Variants in WIZ observed in about 807,000 individuals in gnomAD.
WIZ encodes protein Wiz.
Under a neutral mutation model 140.2 loss-of-function variants are expected in WIZ, and 25 were observed. That is an observed-to-expected ratio of 0.18 (90% confidence interval 0.13 to 0.25). The LOEUF (loss-of-function observed/expected upper bound fraction) is 0.25. WIZ is among the 10% of genes least tolerant of loss of function. The pLI is 1.00. For synonymous variants in WIZ, 1,125 were observed against 1,154.3 expected, an observed-to-expected ratio of 0.97 and a Z score of 0.51; for missense variants, 2,231 against 2,632.6, an observed-to-expected ratio of 0.85 and a Z score of 3.34.
rs772292658 is a variant in WIZ at position 15,424,231 on chromosome 19, T to TG, written c.5461dup (p.Gln1821ProfsTer20). The TG allele has an allele frequency of 9.5e-6, 15 of 1,580,644 alleles. No homozygotes were observed. Among genetic ancestry groups the TG allele is most frequent in the Admixed American group, 1.9e-5 (1 of 52,648 alleles). ...GCCCACGAACTTGACAAGTGATGTC[T>TG]GGGGGGGCCGGGGCACCAGGGAGGG... On this transcript the variant is annotated frameshift_variant, in exon 12 of 13. Transcript: ENST00000673675. LOFTEE classifies it high-confidence loss of function. The surrounding 1 kb of genome is among the most constrained non-coding windows in gnomAD (Gnocchi z 9.7).
Position 15,440,477 on chromosome 19 carries a change from G to C in WIZ, c.517C>G (p.Leu173Val). The C allele has an allele frequency of 6.5e-7, 1 of 1,536,116 alleles. No homozygotes were observed. The highest frequency in any genetic ancestry group is 8.7e-7 in the Non-Finnish European group (1 of 1,146,908). ...RFLHHRGEPR[L>V]LEKHAQGRPR... ...CGGCCCTGGGCATGTTTCTCCAAAA[G>C]CCTTGGTTCCCCCCGGTGGTGTAAG... Residue 173 changes from leucine (L) to valine (V), a missense_variant, in exon 4 of 13, where the codon CTT becomes GTT. Leu to Val is a conservative substitution (Grantham distance 32). Transcript: ENST00000673675. This position sits in a 1 kb window ranked among gnomAD's most constrained non-coding sequence, Gnocchi z 6.2.
chr19:15,437,216 G>T (rs1276756407), intron 4 of WIZ, 87 bp from the exon 5 acceptor site: 6 of 1,298,236 alleles, frequency 4.6e-6, no homozygotes, highest in Non-Finnish European at 6.2e-6. Flanking sequence ...CTTCACCCTG[G>T]ACTGCCTTTC....
At position 15,424,014 on chromosome 19, in the gene WIZ, G is replaced by A. The variant is rs551969448; in HGVS notation, c.5510+169C>T. The A allele has an allele frequency of 7.6e-5, 43 of 563,752 alleles. No homozygotes were observed. The Admixed American group carries it at 1.3e-3, about 17-fold the overall frequency. 34.9% of individuals were successfully genotyped at this position (563,752 alleles called of 1,614,324 possible). The stretch of plus-strand genomic sequence containing the variant: ...GAGTTGGGATTTGAACCCAGGTCTC[G>A]CAGGCTACAAAGCTCAGGGTGTCAG... On this transcript the variant is annotated intron_variant, in intron 12 of 12. Coordinates refer to ENST00000673675, the MANE Select transcript of WIZ (RefSeq NM_001371589.1). The surrounding 1 kb of genome is among the most constrained non-coding windows in gnomAD (Gnocchi z 9.7).
chr19:15,423,555 G>A (rs535446416), intron 12 of WIZ, among the ~76,000 whole-genome samples: 26 of 152,246 alleles, frequency 1.7e-4, no homozygotes, highest in Admixed American at 3.9e-4. Flanking sequence ...GCACAGAGAA[G>A]CAAATCCTAC....
chr19:15,423,301 C>T (rs1968493340), intron 12 of WIZ, 66 bp from the exon 13 acceptor site: 2 of 1,565,798 alleles, frequency 1.3e-6, no homozygotes, highest in Non-Finnish European at 8.7e-7. Context: ...ATAGCCTTGC[C>T]AGCATCCCTG....
intron 2 of WIZ, among the ~76,000 whole-genome samples, chr19:15,446,535 G>T (rs904297902): frequency 2.0e-5 from 3 of 152,104 alleles, no homozygotes; most frequent in African/African-American, 7.2e-5. Context: ...GCCCTCAGGG[G>T]TCTCACCTTG....
chr19:15,435,023 T>TA (rs775873607), intron 5 of WIZ, among the ~76,000 whole-genome samples: 2 of 152,006 alleles, frequency 1.3e-5, no homozygotes, highest in East Asian at 1.9e-4. Context: ...GGTCAGGAGA[T>TA]AGACACCATC....
At chr19:15,446,467 G>A (rs1202986876) in intron 2 of WIZ, among the ~76,000 whole-genome samples, 1 of 152,172 alleles carries the variant, frequency 6.6e-6, no homozygotes, top group Non-Finnish European at 1.5e-5. Context: ...ATGGCTTAGA[G>A]GAGGGGATTG....
rs1288038494 is a variant in WIZ at position 15,440,625 on chromosome 19, C to A, written c.369G>T (p.Gly123=). The A allele has an allele frequency of 6.5e-6, 10 of 1,532,230 alleles. No individual in the cohort carries two copies. The highest frequency in any genetic ancestry group is 2.0e-5 in the Admixed American group (1 of 50,906). The allele number at this position is 1,532,230 out of a possible 1,614,324, so 94.9% of individuals were successfully genotyped here. The part of the protein sequence containing the change: ...GHFPGTPDGR[G]PWEHPLVQEA... ...CCTGGACAAGGGGGTGCTCCCAGGG[C>A]CCCCGGCCATCAGGGGTACCTGGGA... Residue 123 remains glycine (G), a synonymous_variant, in exon 4 of 13, where the codon GGG becomes GGT. Transcript: ENST00000673675. This position sits in a 1 kb window ranked among gnomAD's most constrained non-coding sequence, Gnocchi z 6.2.
intron 2 of WIZ, among the ~76,000 whole-genome samples, chr19:15,443,025 C>A (rs186924958): frequency 6.6e-6 from 1 of 152,318 alleles, no homozygotes; most frequent in Admixed American, 6.5e-5. Flanking sequence ...TTACAAGCCT[C>A]ACCCTGGTAA....
At chr19:15,444,672 C>T (rs1024936211) in intron 2 of WIZ, among the ~76,000 whole-genome samples, 2 of 152,046 alleles carry the variant, frequency 1.3e-5, no homozygotes, top group Non-Finnish European at 2.9e-5. Flanking sequence ...TTGGAGAGGG[C>T]GTTCAGAGTT....
In WIZ at chr19:15,439,104, G is replaced by A. The variant is rs1312773046; in HGVS notation, c.1890C>T (p.Ser630=). ...EEEEEDVVLT[S]EMDFSPENGV... ...CATTTTCAGGGGAAAAATCCATCTC[G>A]GAGGTCAGCACTACATCCTCCTCCT... The change falls in exon 4 of 13, where the codon TCC becomes TCT. Residue 630 remains serine, a synonymous_variant. Transcript: ENST00000673675. The surrounding 1 kb of genome is among the most constrained non-coding windows in gnomAD (Gnocchi z 7.0). The A allele has an allele frequency of 5.4e-6, 8 of 1,491,460 alleles. No individual in the cohort carries two copies. The highest frequency in any genetic ancestry group is 2.5e-5 in the South Asian group (2 of 78,772). The allele number at this position is 1,491,460 out of a possible 1,614,324, so 92.4% of individuals were successfully genotyped here.
rs1415070560 is a variant in WIZ at position 15,425,737 on chromosome 19, G to T, written c.4398C>A (p.Arg1466=). Residue 1466 remains arginine (R), a synonymous_variant, in exon 10 of 13, where the codon CGC becomes CGA. Transcript: ENST00000673675. ...CGAAGAACTCGCCGCAGAACTCACA[G>T]CGGATGTCGCGCACCGGCTCTGCCC... ...SSRAEPVRDI[R]CEFCGEFFEN... The T allele has an allele frequency of 6.2e-7, 1 of 1,605,874 alleles. No individual in the cohort carries two copies. The highest frequency in any genetic ancestry group is 1.7e-5 in the Admixed American group (1 of 59,422).
rs1488981885 is a variant in WIZ, at chr19:15,439,867, G to A, written c.1127C>T (p.Ala376Val). The A allele has an allele frequency of 4.6e-6, 7 of 1,527,204 alleles. No individual in the cohort carries two copies. The East Asian group carries it at 1.7e-4, about 37-fold the overall frequency. The allele number at this position is 1,527,204 out of a possible 1,614,324, so 94.6% of individuals were successfully genotyped here. A position where few individuals can be genotyped will look rare whatever the true frequency, so the allele number is the denominator to read the frequency against. Residue 376 changes from alanine to valine, a missense_variant, in exon 4 of 13, where the codon GCC becomes GTC. Physicochemically the swap from Ala to Val is moderately conservative, Grantham distance 64. Transcript: ENST00000673675. The surrounding 1 kb of genome is among the most constrained non-coding windows in gnomAD (Gnocchi z 7.0). The stretch of plus-strand genomic sequence containing the variant: ...CTCCTCAATGATCTTCTCCCGGGAG[G>A]CCTGATGCAGCTGCCGGTGCTGCTC... Reference protein sequence around the residue: ...ALEQHRQLHQASREKIIEEIQ... With the variant: ...ALEQHRQLHQVSREKIIEEIQ...
chr19:15,427,326 G>C lies in WIZ; in HGVS notation c.4022C>G (p.Pro1341Arg), dbSNP rs772192593. The change falls in exon 9 of 13, where the codon CCA becomes CGA. Residue 1341 changes from proline (P) to arginine (R), a missense_variant. Pro to Arg is a moderately radical substitution (Grantham distance 103). This residue lies in a region of WIZ where 393 missense variants were observed against 451.7 expected (regional missense o/e 0.87). Coordinates refer to ENST00000673675, the MANE Select transcript of WIZ (RefSeq NM_001371589.1). The surrounding 1 kb of genome is among the most constrained non-coding windows in gnomAD (Gnocchi z 6.4). ...QSRPGGPPNP[P>R]GPSPKALAKM... ...GGCCAGGGCTTTTGGGCTTGGCCCT[G>C]GTGGGTTGGGAGGTCCACCAGGCCG... 2.5e-6 allele frequency: 4 copies of C among 1,613,694 alleles called. No individual in the cohort carries two copies. The South Asian group carries it at 4.4e-5, about 18-fold the overall frequency.
In WIZ at chr19:15,442,309, G is replaced by A. The variant is rs984807907; in HGVS notation, c.278+367C>T. 3.9e-5 allele frequency among the ~76,000 whole-genome samples: 6 copies of A among 152,112 alleles called. No individual in the cohort carries two copies. The highest frequency in any genetic ancestry group is 2.9e-5 in the Non-Finnish European group (2 of 68,038). On this transcript the variant is annotated intron_variant, in intron 3 of 12. Coordinates refer to ENST00000673675, the MANE Select transcript of WIZ (RefSeq NM_001371589.1). The surrounding 1 kb of genome is among the most constrained non-coding windows in gnomAD (Gnocchi z 5.5). The stretch of plus-strand genomic sequence containing the variant: ...CCAATGCCCCTTGGATCCTCAAGGC[G>A]AATTCATGAGATGCATCTTATGGAC...
chr19:15,446,740 T>C (rs976977444), intron 2 of WIZ, among the ~76,000 whole-genome samples: 1 of 152,234 alleles, frequency 6.6e-6, no homozygotes, highest in Non-Finnish European at 1.5e-5. Flanking sequence ...CGCTGTGTCA[T>C]AACACCTGGT....
In WIZ at chr19:15,431,162, C is replaced by T. The variant is rs537663105; in HGVS notation, c.2761G>A (p.Ala921Thr). Reference protein sequence around the residue: ...YGDGLGSEENAMVAMDLGSPS... With the variant: ...YGDGLGSEENTMVAMDLGSPS... ...GAGCCCAAGTCCATGGCCACCATTG[C>T]GTTTTCCTCAGAACCCAGGCCTGTG... The change falls in exon 6 of 13, where the codon GCA becomes ACA. Residue 921 changes from alanine to threonine, a missense_variant. Ala to Thr is a moderately conservative substitution (Grantham distance 58). Around this residue, in one of 15 missense-constraint regions of WIZ, gnomAD observed 137 missense variants for 135.8 expected, o/e 1.01. Coordinates refer to ENST00000673675, the MANE Select transcript of WIZ (RefSeq NM_001371589.1). 2.7e-4 allele frequency: 409 copies of T among 1,530,034 alleles called. No homozygotes were observed. In the African/African-American group the frequency reaches 4.8e-3, roughly 18 times the overall value. The allele number at this position is 1,530,034 out of a possible 1,614,324, so 94.8% of individuals were successfully genotyped here.
chr19:15,421,054 T>A lies in WIZ; in HGVS notation c.*2022A>T, dbSNP rs1968349829. ...TCACTTGAACCCAGGAGGCAGAGAC[T>A]GCAGCGAGCCGAGGTCCCTACACTG... On this transcript the variant is annotated 3_prime_UTR_variant, in exon 13 of 13. Transcript: ENST00000673675. 6.6e-6 allele frequency: 1 copy of A among 152,030 alleles called. No individual in the cohort carries two copies. The highest frequency in any genetic ancestry group is 2.4e-5 in the African/African-American group (1 of 41,366). 9.4% of individuals were successfully genotyped at this position (152,030 alleles called of 1,614,324 possible).
Sources: gnomAD v4.1 joint callset for allele counts (sites outside exome capture counted in the v4.1 genomes callset) on GRCh38, gnomAD v4.1.1 for gene constraint, gnomAD v4.1.1 regional missense constraint, Gnocchi (gnomAD v3.1) non-coding constraint, MANE v1.5 for transcripts, NCBI Gene and HGNC (gene_info 2026-07-23, HGNC 2026-07-21) for gene names.